Variants in KIFC3 observed in about 807,000 individuals in gnomAD.
The protein encoded by KIFC3 is kinesin family member C3, also known as kinesin-like protein KIFC3.
KIFC3 carries 60 observed loss-of-function variants against 101.8 expected under a neutral mutation model. The observed-to-expected ratio is 0.59, with a 90% CI of 0.48 to 0.73. KIFC3 has a LOEUF of 0.73. Among genes scored for constraint, KIFC3 ranks in the 30% least tolerant of loss-of-function variants. The probability of loss-of-function intolerance (pLI) is 0.00; values close to 1 mark genes in which losing one functional copy is unlikely to be tolerated. For missense variants in KIFC3, 966 were observed against 1,137.1 expected, an observed-to-expected ratio of 0.85 and a Z score of 2.16; for synonymous variants, 476 against 482.7, an observed-to-expected ratio of 0.99 and a Z score of 0.18.
At chr16:57,847,274 AGGGAGGGAGGGAGAGAGGGCG>A (rs2055950479) in intron 1 of KIFC3, among the ~76,000 whole-genome samples, 1 of 44,332 alleles carries the variant, frequency 2.3e-5, no homozygotes, top group African/African-American at 9.0e-5. Context: ...AAGGAAGGGA[AGGGAGGGAGGGAGAGAGGGCG>A]GGGAGGGAGG....
chr16:57,781,860 G>T (rs931003631), intron 3 of KIFC3: 2 of 894,086 alleles, frequency 2.2e-6, no homozygotes, highest in Non-Finnish European at 2.7e-6. Context: ...TGACCAGTAA[G>T]TGGTGGACCT....
chr16:57,818,388 T>C (rs1273245294), intron 1 of KIFC3, among the ~76,000 whole-genome samples: 1 of 151,994 alleles, frequency 6.6e-6, no homozygotes, highest in Non-Finnish European at 1.5e-5. Flanking sequence ...CTTTTGAGAA[T>C]GGATATCCCT....
At chr16:57,784,891 T>C (rs976814993) in intron 3 of KIFC3, among the ~76,000 whole-genome samples, 1 of 152,190 alleles carries the variant, frequency 6.6e-6, no homozygotes, top group Admixed American at 6.5e-5. Context: ...TACCCAAATG[T>C]CCTGCCCAGC....
At chr16:57,857,361 T>C (rs1470715069) in intron 1 of KIFC3, among the ~76,000 whole-genome samples, 2 of 151,452 alleles carry the variant, frequency 1.3e-5, no homozygotes, top group African/African-American at 4.9e-5. Context: ...CATTTCTGAC[T>C]TTCGTAAGTC....
intron 11 of KIFC3, among the ~76,000 whole-genome samples, chr16:57,764,903 TGAGGG>T (rs2050291129): frequency 7.0e-5 from 1 of 14,218 alleles, no homozygotes; most frequent in Non-Finnish European, 1.4e-4. Context: ...GGGAGGGGCC[TGAGGG>T]TGGGTGGGGC....
At chr16:57,804,795 A>G (rs1481053162), upstream of KIFC3, among the ~76,000 whole-genome samples, 4 of 150,008 alleles carry the variant, frequency 2.7e-5, no homozygotes, top group East Asian at 5.9e-4. Context: ...GTGTCTCACT[A>G]TGTTGCCCAG....
At chr16:57,791,077 TG>T (rs1317054491) in intron 3 of KIFC3, 1 of 219,740 alleles carries the variant, frequency 4.6e-6, no homozygotes, top group Non-Finnish European at 7.7e-6. Context: ...CTACAAAAAA[TG>T]GAAAAAAAAT....
At chr16:57,783,045 G>C (rs751694099) in intron 3 of KIFC3, among the ~76,000 whole-genome samples, 1 of 152,200 alleles carries the variant, frequency 6.6e-6, no homozygotes, top group African/African-American at 2.4e-5. Flanking sequence ...GGGTAAGCTC[G>C]GGGGTTCTCC....
intron 1 of KIFC3, among the ~76,000 whole-genome samples, chr16:57,817,572 T>C (rs569597214): frequency 6.4e-4 from 97 of 152,226 alleles, no homozygotes; most frequent in African/African-American, 2.3e-3. Flanking sequence ...CACCAGTCTC[T>C]TTCCACCTGC....
intron 3 of KIFC3, chr16:57,775,769 G>A: frequency 1.0e-6 from 1 of 985,700 alleles, no homozygotes; most frequent in South Asian, 4.7e-5. Context: ...ACAGGACGGA[G>A]GAGAAAGCAG....
chr16:57,765,918 C>T (rs1202709162), intron 10 of KIFC3: 4 of 382,810 alleles, frequency 1.0e-5, no homozygotes, highest in African/African-American at 2.1e-5. Flanking sequence ...AAGCACTGCA[C>T]CCCGTCAGGG....
chr16:57,775,078 C>A, intron 3 of KIFC3: 1 of 1,501,716 alleles, frequency 6.7e-7, no homozygotes, highest in Non-Finnish European at 8.8e-7. Flanking sequence ...GCGGGATACC[C>A]ACCAGCCACC....
intron 3 of KIFC3, among the ~76,000 whole-genome samples, chr16:57,793,551 C>A (rs1180568291): frequency 3.6e-4 from 54 of 151,232 alleles, no homozygotes; most frequent in African/African-American, 1.3e-3. Context: ...TGAGATCATG[C>A]CATTGCACTC....
At chr16:57,828,413 A>T (rs1033884155) in intron 1 of KIFC3, among the ~76,000 whole-genome samples, 3 of 152,204 alleles carry the variant, frequency 2.0e-5, no homozygotes, top group Non-Finnish European at 4.4e-5. Flanking sequence ...CTGTGTGCAG[A>T]TGTGGCCATG....
intron 2 of KIFC3, among the ~76,000 whole-genome samples, chr16:57,796,934 G>C (rs1274976914): frequency 2.0e-5 from 3 of 152,204 alleles, no homozygotes. Flanking sequence ...ACAACCTTAT[G>C]GGGTAGAGGC....
intron 10 of KIFC3, 198 bp from the exon 11 acceptor site, chr16:57,765,838 T>C: frequency 1.8e-6 from 1 of 549,402 alleles, no homozygotes; most frequent in Non-Finnish European, 3.2e-6. Context: ...ACATTTCTTC[T>C]TGAACAGACC....
At chr16:57,796,040 C>T (rs1555622820) in intron 2 of KIFC3, among the ~76,000 whole-genome samples, 1 of 151,792 alleles carries the variant, frequency 6.6e-6, no homozygotes, top group Non-Finnish European at 1.5e-5. Flanking sequence ...ATTACAGGTG[C>T]GCACCACCAG....
Position 57,794,985 on chromosome 16 carries a change from G to A in KIFC3, c.315+14C>T. On this transcript the variant is annotated intron_variant, in intron 3 of 19. Coordinates refer to ENST00000445690, the MANE Select transcript of KIFC3 (RefSeq NM_001130100.2). The stretch of plus-strand genomic sequence containing the variant: ...AGCCAAGGCACATGCAGCCTGGAAG[G>A]CCCCAGTGCTTACCTGCAGGGTCAG... 1.3e-6 allele frequency: 2 copies of A among 1,543,248 alleles called. No homozygotes were observed. The highest frequency in any genetic ancestry group is 2.5e-5 in the East Asian group (1 of 40,490).
At position 57,771,709 on chromosome 16, in the gene KIFC3, G is replaced by A. The variant is rs782663545; in HGVS notation, c.382-23C>T. The A allele has an allele frequency of 4.4e-6, 7 of 1,602,464 alleles. No homozygotes were observed. The South Asian group carries it at 7.8e-5, about 18-fold the overall frequency. On this transcript the variant is annotated intron_variant, in intron 4 of 19. Transcript: ENST00000445690. ...CCCCTGCAGAGAGCCAGGGCCGAGG[G>A]GGCGCATGTGGCGAGGGCAGATGAC...
Sources: allele counts gnomAD v4.1 joint callset (sites outside exome capture counted in the v4.1 genomes callset), GRCh38; gene constraint gnomAD v4.1.1; transcripts MANE v1.5; gene names NCBI Gene and HGNC (gene_info 2026-07-23, HGNC 2026-07-21).